The following FAM83B variants were observed in gnomAD, a reference collection of about 807,000 sequenced individuals.
FAM83B encodes the protein protein FAM83B.
FAM83B carries 26 observed loss-of-function variants against 38.8 expected under a neutral mutation model. That is an observed-to-expected ratio of 0.67 (90% CI 0.49 to 0.93). The LOEUF is 0.93. FAM83B is among the 40% of genes least tolerant of loss of function. FAM83B has a pLI of 0.00. For missense variants in FAM83B, 1,237 were observed against 1,197.3 expected (o/e 1.03, Z -0.49); for synonymous variants, 419 against 423.1 (o/e 0.99, Z 0.12).
At chr6:54,854,541 G>A (rs949733570) in intron 1 of FAM83B, among the ~76,000 whole-genome samples, 2 of 152,186 alleles carry the variant, frequency 1.3e-5, no homozygotes, top group African/African-American at 4.8e-5. Flanking sequence ...AGGCTCAGAT[G>A]ATAGTTAGCA....
intron 2 of FAM83B, among the ~76,000 whole-genome samples, chr6:54,880,621 T>C (rs1341667895): frequency 6.6e-6 from 1 of 152,040 alleles, no homozygotes; most frequent in African/African-American, 2.4e-5. Context: ...ATTTTTGTAT[T>C]TTTAATAGAG....
intron 1 of FAM83B, among the ~76,000 whole-genome samples, chr6:54,860,747 T>C (rs894240852): frequency 6.6e-6 from 1 of 152,246 alleles, no homozygotes; most frequent in African/African-American, 2.4e-5. Context: ...TGTATAAATA[T>C]ATGTACATAA....
intron 1 of FAM83B, among the ~76,000 whole-genome samples, chr6:54,863,638 A>G (rs1238415452): frequency 6.6e-6 from 1 of 151,558 alleles, no homozygotes; most frequent in Non-Finnish European, 1.5e-5. Flanking sequence ...CAATTTTTCA[A>G]CTATTCTTCA....
At chr6:54,933,887 T>C (rs985688979) in intron 4 of FAM83B, among the ~76,000 whole-genome samples, 3 of 152,098 alleles carry the variant, frequency 2.0e-5, no homozygotes, top group Non-Finnish European at 4.4e-5. Context: ...GTTTCCATCC[T>C]GAGGGAGGAC....
rs1773756639 is a variant in FAM83B, at chr6:54,944,064, ATTGTTTTT to A, written c.*2058_*2065del. 2.6e-5 allele frequency: 4 copies of A among 152,112 alleles called. No individual in the cohort carries two copies. The highest frequency in any genetic ancestry group is 5.9e-5 in the Non-Finnish European group (4 of 68,026). 9.4% of individuals were successfully genotyped at this position (152,112 alleles called of 1,614,324 possible). ...TTATTTTTCTCTGCGTTTTTTAAAA[ATTGTTTTT>A]CTTGTATCTTTTTTCTTCAAAAATA... On this transcript the variant is annotated 3_prime_UTR_variant, in exon 5 of 5. Coordinates refer to ENST00000306858, the MANE Select transcript of FAM83B (RefSeq NM_001010872.3).
intron 2 of FAM83B, among the ~76,000 whole-genome samples, chr6:54,883,330 A>C (rs545828192): frequency 1.7e-5 from 2 of 116,632 alleles, no homozygotes; most frequent in African/African-American, 6.9e-5. Flanking sequence ...ATTTTTTTTT[A>C]AGTTTTTTTT....
intron 2 of FAM83B, among the ~76,000 whole-genome samples, chr6:54,925,546 T>G (rs1773269318): frequency 6.6e-6 from 1 of 152,200 alleles, no homozygotes; most frequent in Non-Finnish European, 1.5e-5. Flanking sequence ...TCCTTCTAAA[T>G]TATATCACCT....
intron 2 of FAM83B, among the ~76,000 whole-genome samples, chr6:54,915,812 CAAAAAAAAAA>C (rs58597609): frequency 1.1e-4 from 2 of 18,050 alleles, no homozygotes; most frequent in Non-Finnish European, 2.3e-4. Context: ...GACTCCGTCT[CAAAAAAAAAA>C]AAAAAAAAAA....
chr6:54,901,933 G>A (rs239839), intron 2 of FAM83B, among the ~76,000 whole-genome samples: 30,360 of 151,812 alleles, frequency 0.2, 3,457 homozygotes, highest in African/African-American at 0.31. Flanking sequence ...CTTCCCATCC[G>A]TGGTCCCTCT....
At chr6:54,906,956 T>C (rs1217498124) in intron 2 of FAM83B, among the ~76,000 whole-genome samples, 2 of 152,202 alleles carry the variant, frequency 1.3e-5, no homozygotes, top group Admixed American at 1.3e-4. Flanking sequence ...CATTCTTTCC[T>C]GATTATATTG....
At chr6:54,846,637 C>G (rs994050510), upstream of FAM83B, 1 of 152,310 alleles carries the variant, frequency 6.6e-6, no homozygotes, top group Non-Finnish European at 1.5e-5. Flanking sequence ...CTCCCGCCCC[C>G]TCCAGCGCTG....
At position 54,926,554 on chromosome 6, in the gene FAM83B, T is replaced by C; in HGVS notation, c.609+19T>C. ...TCTCAGGGTAAGAATTCTGTTTTTT[T>C]TTTCCTCAAGTATTTTATGTGTCAT... is the stretch of plus-strand genomic sequence containing the variant. On this transcript the variant is annotated intron_variant, in intron 3 of 4. Transcript: ENST00000306858. The C allele has an allele frequency of 2.0e-6, 3 of 1,513,272 alleles. No individual in the cohort carries two copies. The highest frequency in any genetic ancestry group is 1.8e-6 in the Non-Finnish European group (2 of 1,123,306). 93.7% of individuals were successfully genotyped at this position (1,513,272 alleles called of 1,614,324 possible).
rs540808703 is a variant in FAM83B at position 54,880,594 on chromosome 6, G to A, written c.444+9904G>A. ...TGAGTAGCTGGGATTACAGGTGTGC[G>A]CCACCATGCCTTGCTAATTTTTGTA... On this transcript the variant is annotated intron_variant, in intron 2 of 4. Coordinates refer to ENST00000306858, the MANE Select transcript of FAM83B (RefSeq NM_001010872.3). 1.8e-4 allele frequency among the ~76,000 whole-genome samples: 27 copies of A among 151,886 alleles called. No individual in the cohort carries two copies. In the East Asian group the frequency reaches 4.3e-3, roughly 24 times the overall value.
intron 2 of FAM83B, among the ~76,000 whole-genome samples, chr6:54,872,254 C>T (rs1292393194): frequency 6.6e-6 from 1 of 152,160 alleles, no homozygotes; most frequent in Non-Finnish European, 1.5e-5. Flanking sequence ...AACTGTCATT[C>T]AGCTTTCTGA....
At chr6:54,859,855 G>A (rs1160300923) in intron 1 of FAM83B, among the ~76,000 whole-genome samples, 2 of 152,204 alleles carry the variant, frequency 1.3e-5, no homozygotes, top group Non-Finnish European at 2.9e-5. Context: ...ACAGCCAACA[G>A]TCTGTGAATG....
chr6:54,921,752 C>T (rs1773179164), intron 2 of FAM83B, among the ~76,000 whole-genome samples: 1 of 151,920 alleles, frequency 6.6e-6, no homozygotes. Flanking sequence ...AATTTTTCTT[C>T]AATTATATAT....
chr6:54,934,500 T>C (rs1259349959), intron 4 of FAM83B, among the ~76,000 whole-genome samples: 1 of 152,114 alleles, frequency 6.6e-6, no homozygotes, highest in East Asian at 1.9e-4. Context: ...ATAATGTCTT[T>C]CTCCAAAAGA....
At chr6:54,874,564 C>CG (rs2127576352) in intron 2 of FAM83B, among the ~76,000 whole-genome samples, 1 of 152,220 alleles carries the variant, frequency 6.6e-6, no homozygotes, top group African/African-American at 2.4e-5. Context: ...CTGTGAACTC[C>CG]TCTTATGAAA....
chr6:54,902,344 G>C (rs1772677537), intron 2 of FAM83B, among the ~76,000 whole-genome samples: 1 of 152,078 alleles, frequency 6.6e-6, no homozygotes, highest in South Asian at 2.1e-4. Flanking sequence ...ATGGGCTACA[G>C]TGCCCAGCTC....
Sources: gnomAD v4.1 joint callset for allele counts (sites outside exome capture counted in the v4.1 genomes callset) on GRCh38, gnomAD v4.1.1 for gene constraint, MANE v1.5 for transcripts, NCBI Gene and HGNC (gene_info 2026-07-23, HGNC 2026-07-21) for gene names.